The following PTTG1IP2 variants were observed in gnomAD, a reference collection of about 807,000 sequenced individuals.
PTTG1IP2 encodes PTTG1IP family member 2.
Position 90,499,187 on chromosome 7 carries a change from A to G in PTTG1IP2, c.*50+4757A>G, listed in dbSNP as rs17863130. 3.3e-3 allele frequency among the ~76,000 whole-genome samples: 496 copies of G among 152,332 alleles called. 4 individuals carry two copies. The highest frequency in any genetic ancestry group is 0.014 in the Middle Eastern group (4 of 294). ...ATTTTTAAGTTTAAGCAGAATAAAG[A>G]TGAGTTATTTATTTTAACTTGTGCC... On this transcript the variant is annotated intron_variant, in intron 6 of 6. Transcript: ENST00000509356.
At chr7:90,472,043 T>C (rs1480366440) in intron 1 of PTTG1IP2, among the ~76,000 whole-genome samples, 1 of 152,070 alleles carries the variant, frequency 6.6e-6, no homozygotes, top group African/African-American at 2.4e-5. Flanking sequence ...TTCTCCCCCT[T>C]GTCTAATGCT....
intron 6 of PTTG1IP2, among the ~76,000 whole-genome samples, chr7:90,511,781 A>G (rs1208164010): frequency 2.0e-5 from 3 of 152,064 alleles, no homozygotes; most frequent in Non-Finnish European, 4.4e-5. Flanking sequence ...ACTGTTTGTG[A>G]TATCTTGGGC....
chr7:90,490,458 G>T (rs1053011169), intron 4 of PTTG1IP2, among the ~76,000 whole-genome samples: 2 of 151,222 alleles, frequency 1.3e-5, no homozygotes, highest in African/African-American at 2.4e-5. Context: ...AAAAGATAAG[G>T]GTTGGCCAAT....
chr7:90,496,516 GTC>G (rs1036449523), intron 6 of PTTG1IP2, among the ~76,000 whole-genome samples: 2 of 151,684 alleles, frequency 1.3e-5, no homozygotes, highest in African/African-American at 4.8e-5. Flanking sequence ...TTTTATTTAA[GTC>G]TCTCTCTTTT....
chr7:90,505,293 G>C (rs757915051), intron 6 of PTTG1IP2, among the ~76,000 whole-genome samples: 3 of 152,226 alleles, frequency 2.0e-5, no homozygotes, highest in Non-Finnish European at 4.4e-5. Flanking sequence ...AAACATGGAT[G>C]TTAGCAGAGA....
chr7:90,482,455 A>G (rs556667643), intron 2 of PTTG1IP2, among the ~76,000 whole-genome samples: 3 of 152,212 alleles, frequency 2.0e-5, no homozygotes, highest in African/African-American at 7.2e-5. Flanking sequence ...GCCTTCCTAG[A>G]GTTAGAAAAC....
chr7:90,484,546 A>G (rs1029317763), intron 2 of PTTG1IP2, among the ~76,000 whole-genome samples: 9 of 152,160 alleles, frequency 5.9e-5, no homozygotes, highest in Non-Finnish European at 1.5e-5. Context: ...CCTTAGTTAC[A>G]AGAAAAAAAT....
intron 5 of PTTG1IP2, among the ~76,000 whole-genome samples, chr7:90,492,965 T>C (rs1448114658): frequency 2.6e-5 from 4 of 152,168 alleles, no homozygotes; most frequent in Non-Finnish European, 1.5e-5. Flanking sequence ...CACCCACAGT[T>C]CCTGGGCAGG....
intron 1 of PTTG1IP2, chr7:90,470,345 T>C (rs931130594): frequency 2.0e-5 from 3 of 152,170 alleles, no homozygotes; most frequent in Admixed American, 6.5e-5. Context: ...CATAAAAAAA[T>C]TACTTCAGTT....
intron 6 of PTTG1IP2, among the ~76,000 whole-genome samples, chr7:90,496,531 T>C (rs1216345788): frequency 6.6e-6 from 1 of 152,174 alleles, no homozygotes; most frequent in Admixed American, 6.5e-5. Flanking sequence ...TCTCTTTTTT[T>C]GTAGTCTATC....
At chr7:90,470,535 A>G (rs1273272825) in intron 1 of PTTG1IP2, among the ~76,000 whole-genome samples, 4 of 152,206 alleles carry the variant, frequency 2.6e-5, no homozygotes, top group Non-Finnish European at 5.9e-5. Flanking sequence ...CAAGATTGCC[A>G]TTTTTACAAA....
chr7:90,504,674 G>A (rs1798105379), intron 6 of PTTG1IP2, among the ~76,000 whole-genome samples: 1 of 152,104 alleles, frequency 6.6e-6, no homozygotes, highest in Non-Finnish European at 1.5e-5. Flanking sequence ...TGAATGGCTT[G>A]GAAGGGTCTA....
intron 1 of PTTG1IP2, among the ~76,000 whole-genome samples, chr7:90,472,276 GCAAACACACA>G (rs1797698273): frequency 1.0e-5 from 1 of 99,298 alleles, no homozygotes; most frequent in African/African-American, 4.4e-5. Flanking sequence ...ACGATAGCAT[GCAAACACACA>G]CACACACACA....
rs186574720 is a variant in PTTG1IP2 at position 90,495,106 on chromosome 7, C to A, written c.*50+676C>A. 1.7e-3 allele frequency among the ~76,000 whole-genome samples: 255 copies of A among 152,294 alleles called. 2 individuals are homozygous for A. Among genetic ancestry groups the A allele is most frequent in the Non-Finnish European group, 1.5e-4 (10 of 68,024 alleles). ...CTGCCTTTGTTGAAATCTGGGCTATCCATTTACTAAGTATGCCACGTTAGA... is the reference window on the plus strand; with the variant it reads ...CTGCCTTTGTTGAAATCTGGGCTATACATTTACTAAGTATGCCACGTTAGA... On this transcript the variant is annotated intron_variant, in intron 6 of 6. Coordinates refer to ENST00000509356, the MANE Select transcript of PTTG1IP2 (RefSeq NM_001365443.2).
At chr7:90,478,127 A>G (rs1459101798) in intron 1 of PTTG1IP2, among the ~76,000 whole-genome samples, 3 of 151,814 alleles carry the variant, frequency 2.0e-5, no homozygotes. Context: ...GAAAAAGAAA[A>G]AATTGGAAAA....
At chr7:90,485,932 C>G (rs1797870209) in intron 2 of PTTG1IP2, among the ~76,000 whole-genome samples, 1 of 152,182 alleles carries the variant, frequency 6.6e-6, no homozygotes, top group Non-Finnish European at 1.5e-5. Context: ...ATCTTTGAAT[C>G]TAGACTTTAT....
At chr7:90,496,547 G>C (rs1797993672) in intron 6 of PTTG1IP2, among the ~76,000 whole-genome samples, 1 of 151,676 alleles carries the variant, frequency 6.6e-6, no homozygotes, top group South Asian at 2.1e-4. Flanking sequence ...CTATCTAAAG[G>C]GCTGACCATT....
chr7:90,476,186 A>G (rs965456152), intron 1 of PTTG1IP2, among the ~76,000 whole-genome samples: 1 of 152,194 alleles, frequency 6.6e-6, no homozygotes, highest in African/African-American at 2.4e-5. Flanking sequence ...AAAGAGTAGT[A>G]AGCAAAGAAA....
chr7:90,487,913 A>G (rs1373925055), intron 3 of PTTG1IP2, among the ~76,000 whole-genome samples: 1 of 152,108 alleles, frequency 6.6e-6, no homozygotes, highest in Non-Finnish European at 1.5e-5. Flanking sequence ...ATCTAGAAAC[A>G]TTGCTATAAC....
Sources: allele counts gnomAD v4.1 joint callset (sites outside exome capture counted in the v4.1 genomes callset), GRCh38; gene constraint gnomAD v4.1.1; transcripts MANE v1.5; gene names NCBI Gene and HGNC (gene_info 2026-07-23, HGNC 2026-07-21).